The following RNF14 variants were observed in gnomAD, a reference collection of about 807,000 sequenced individuals.
RNF14 encodes the protein ring finger protein 14, also known as E3 ubiquitin-protein ligase RNF14.
RNF14 carries 26 observed loss-of-function variants against 52.6 expected under a neutral mutation model. The observed-to-expected ratio is 0.49, with a 90% CI of 0.36 to 0.69. The LOEUF is 0.69. RNF14 is among the 30% of genes least tolerant of loss of function. The pLI, the probability that RNF14 is intolerant of heterozygous loss-of-function variation, is 0.00. For synonymous variants in RNF14, 194 were observed against 202.0 expected (o/e 0.96, Z 0.34); for missense variants, 404 against 560.4 (o/e 0.72, Z 2.82).
chr5:141,959,415 T>G (rs164078), intron 1 of RNF14, among the ~76,000 whole-genome samples: 60,962 of 151,928 alleles, frequency 0.4, 12,526 homozygotes, highest in East Asian at 0.6. Flanking sequence ...CCTTATTGCT[T>G]CTTATTGTGC....
chr5:141,949,370 A>G, the RNF14 span: 9 of 1,545,878 alleles, frequency 5.8e-6, no homozygotes, highest in Non-Finnish European at 7.8e-6. Flanking sequence ...TTGGAGCAGA[A>G]CTCTGAAGCT....
At chr5:141,982,994 G>A (rs1754915796) in intron 6 of RNF14, among the ~76,000 whole-genome samples, 2 of 152,132 alleles carry the variant, frequency 1.3e-5, no homozygotes, top group South Asian at 4.1e-4. Flanking sequence ...ACCACTTTTA[G>A]CAGATACATC....
At chr5:141,983,282 T>A in intron 6 of RNF14, 98 bp from the exon 7 acceptor site, 1 of 952,332 alleles carries the variant, frequency 1.1e-6, no homozygotes, top group Non-Finnish European at 1.6e-6. Flanking sequence ...GTTCTAGGAA[T>A]AACATTATTG....
intron 6 of RNF14, chr5:141,981,814 T>C (rs1239897148): frequency 6.6e-6 from 1 of 150,610 alleles, no homozygotes; most frequent in African/African-American, 2.5e-5. Flanking sequence ...ATTGCACCAC[T>C]GCACTCCAGC....
chr5:141,963,896 G>A (rs539178588), upstream of RNF14, among the ~76,000 whole-genome samples: 79 of 152,294 alleles, frequency 5.2e-4, 1 homozygote, highest in South Asian at 0.015. Context: ...AGTTGAGCCT[G>A]GAGCTCTGAG....
At chr5:141,975,917 C>G (rs1434574163) in intron 4 of RNF14, among the ~76,000 whole-genome samples, 1 of 107,826 alleles carries the variant, frequency 9.3e-6, no homozygotes, top group Non-Finnish European at 1.9e-5. Flanking sequence ...AGACAGAGAC[C>G]CTGTCTCAAA....
chr5:141,952,845 T>C, the RNF14 span: 1 of 152,228 alleles, frequency 6.6e-6, no homozygotes, highest in Non-Finnish European at 1.5e-5. Context: ...AAACACTGCT[T>C]CCTCCTCCTG....
upstream of RNF14, among the ~76,000 whole-genome samples, chr5:141,967,330 A>G (rs921478771): frequency 6.6e-6 from 1 of 152,126 alleles, no homozygotes; most frequent in East Asian, 1.9e-4. Context: ...TTTTATTTTA[A>G]TTTTTCCATA....
At chr5:141,966,828 A>G (rs140533810), upstream of RNF14, 1 of 152,424 alleles carries the variant, frequency 6.6e-6, no homozygotes, top group African/African-American at 2.4e-5. Context: ...GGATTTCCCA[A>G]GCTGGTTGGT....
intron 5 of RNF14, among the ~76,000 whole-genome samples, chr5:141,979,317 T>G (rs1028711623): frequency 7.7e-4 from 118 of 152,266 alleles, no homozygotes; most frequent in African/African-American, 2.7e-3. Flanking sequence ...GGGCATGATC[T>G]CAGCTCACGG....
At chr5:141,964,936 T>TA (rs1451324517), upstream of RNF14, among the ~76,000 whole-genome samples, 1 of 151,344 alleles carries the variant, frequency 6.6e-6, no homozygotes, top group Admixed American at 6.6e-5. Flanking sequence ...CTGAAACCTC[T>TA]AATTTTTTTT....
At chr5:141,979,511 C>G (rs972925637) in intron 5 of RNF14, among the ~76,000 whole-genome samples, 1 of 152,184 alleles carries the variant, frequency 6.6e-6, no homozygotes, top group African/African-American at 2.4e-5. Context: ...TTTGGCCTCC[C>G]AAAGTGTTGG....
chr5:141,952,768 C>A, the RNF14 span: 2 of 152,092 alleles, frequency 1.3e-5, no homozygotes. Flanking sequence ...AGTGTTGTCA[C>A]GATTAAATGG....
intron 4 of RNF14, among the ~76,000 whole-genome samples, chr5:141,976,820 G>A (rs1754311446): frequency 1.6e-5 from 2 of 124,416 alleles, no homozygotes; most frequent in East Asian, 2.1e-4. Flanking sequence ...ATGGAGTCTT[G>A]CTCTGTCACC....
chr5:141,961,759 G>T (rs764114522), intron 1 of RNF14, among the ~76,000 whole-genome samples: 1 of 152,144 alleles, frequency 6.6e-6, no homozygotes, highest in East Asian at 1.9e-4. Context: ...TGGGGGTTCA[G>T]AGAATCTTCT....
upstream of RNF14, among the ~76,000 whole-genome samples, chr5:141,968,255 G>A (rs776454691): frequency 2.0e-5 from 3 of 151,758 alleles, no homozygotes; most frequent in African/African-American, 4.8e-5. Flanking sequence ...ACAGGTGCCC[G>A]CCACCATGCC....
chr5:141,971,436 G>A (rs754498874), intron 2 of RNF14, among the ~76,000 whole-genome samples: 1 of 152,088 alleles, frequency 6.6e-6, no homozygotes, highest in Non-Finnish European at 1.5e-5. Flanking sequence ...ATCTTGCTAT[G>A]TTGCCAAGGC....
upstream of RNF14, chr5:141,957,826 A>T: frequency 6.2e-7 from 1 of 1,600,562 alleles, no homozygotes. The surrounding 1 kb of genome is among the most constrained non-coding windows in gnomAD (Gnocchi z 4.3). Flanking sequence ...CAAAAGCCCC[A>T]GCAGAAGTTG....
chr5:141,959,860 T>C (rs939065796), intron 1 of RNF14, among the ~76,000 whole-genome samples: 2 of 152,148 alleles, frequency 1.3e-5, no homozygotes, highest in Non-Finnish European at 2.9e-5. Flanking sequence ...TAACCTCTCC[T>C]AGCCTCTGTT....
Sources: gnomAD v4.1 joint callset for allele counts (sites outside exome capture counted in the v4.1 genomes callset) on GRCh38, gnomAD v4.1.1 for gene constraint, Gnocchi (gnomAD v3.1) non-coding constraint, MANE v1.5 for transcripts, NCBI Gene and HGNC (gene_info 2026-07-23, HGNC 2026-07-21) for gene names.